Variants in SLC7A13 observed in about 807,000 individuals in gnomAD.
SLC7A13 encodes solute carrier family 7 member 13, also known as X-amino acid transporter 2.
Under a neutral mutation model 32.0 loss-of-function variants are expected in SLC7A13, and 31 were observed. The observed-to-expected ratio is 0.97, with a 90% CI of 0.73 to 1.31. The LOEUF (loss-of-function observed/expected upper bound fraction) is 1.31. Among genes scored for constraint, SLC7A13 ranks in the 50% most tolerant of loss-of-function variants. SLC7A13 has a pLI of 0.00. For synonymous variants in SLC7A13, 232 were observed against 206.9 expected (o/e 1.12, Z -1.04); for missense variants, 633 against 546.9 (o/e 1.16, Z -1.57).
Position 86,225,641 on chromosome 8 carries a change from GC to G in SLC7A13, c.686-2539del, listed in dbSNP as rs537624999. Reference sequence around the variant, plus strand: ...TTGAACTTAAAAGATGGGTATTCCGGCCGGGTGTGGTGATTCACGTCTGTAA... The same window carrying G: ...TTGAACTTAAAAGATGGGTATTCCGGCGGGTGTGGTGATTCACGTCTGTAA... On this transcript the variant is annotated intron_variant, in intron 1 of 3. Coordinates refer to ENST00000297524, the MANE Select transcript of SLC7A13 (RefSeq NM_138817.3). Among the ~76,000 whole-genome samples the G allele has an allele frequency of 1.8e-3, 270 of 152,016 alleles. 1 individual carries two copies. The highest frequency in any genetic ancestry group is 6.0e-3 in the African/African-American group (249 of 41,472).
At chr8:86,225,702 A>G (rs1011327852) in intron 1 of SLC7A13, among the ~76,000 whole-genome samples, 6 of 152,172 alleles carry the variant, frequency 3.9e-5, no homozygotes, top group Non-Finnish European at 7.4e-5. Context: ...CAGGTGGATC[A>G]CTGGAACCCA....
At chr8:86,218,230 T>C (rs1482544016) in intron 2 of SLC7A13, among the ~76,000 whole-genome samples, 1 of 152,176 alleles carries the variant, frequency 6.6e-6, no homozygotes, top group East Asian at 1.9e-4. Context: ...AAAACTAGTT[T>C]ATAGAGTCCT....
At chr8:86,214,897 A>G (rs1327647123) in intron 3 of SLC7A13, among the ~76,000 whole-genome samples, 1 of 152,174 alleles carries the variant, frequency 6.6e-6, no homozygotes, top group Non-Finnish European at 1.5e-5. Flanking sequence ...AAATAACTAG[A>G]ACCATTTGCT....
At chr8:86,219,906 TTGTGAG>T (rs1820264226) in intron 2 of SLC7A13, among the ~76,000 whole-genome samples, 1 of 152,176 alleles carries the variant, frequency 6.6e-6, no homozygotes, top group African/African-American at 2.4e-5. Context: ...GAAGTGGGCC[TTGTGAG>T]TCCAAAAGTA....
rs1820137859 is a variant in SLC7A13, at chr8:86,214,160, C to T, written c.*253G>A. On this transcript the variant is annotated 3_prime_UTR_variant, in exon 4 of 4. Coordinates refer to ENST00000297524, the MANE Select transcript of SLC7A13 (RefSeq NM_138817.3). ...AGTGAGAGAATGGAAGTTGTATAAT[C>T]ACTCTATCAAGCTACGCAAACCAGG... The T allele has an allele frequency of 3.6e-6, 1 of 278,834 alleles. No individual in the cohort carries two copies. The highest frequency in any genetic ancestry group is 1.2e-4 in the South Asian group (1 of 8,682). 17.3% of individuals were successfully genotyped at this position (278,834 alleles called of 1,614,324 possible). A position where few individuals can be genotyped will look rare whatever the true frequency, so the allele number is the denominator to read the frequency against.
chr8:86,219,107 C>T lies in SLC7A13; in HGVS notation c.818-1276G>A, dbSNP rs149608520. ...CCTTAGCCTTAGTGCTATTCTACAA[C>T]TTTGGATCTTTCTTAAAAATATCTT... On this transcript the variant is annotated intron_variant, in intron 2 of 3. Coordinates refer to ENST00000297524, the MANE Select transcript of SLC7A13 (RefSeq NM_138817.3). Among the ~76,000 whole-genome samples the T allele has an allele frequency of 1.1e-3, 162 of 152,256 alleles. 1 individual carries two copies. Among genetic ancestry groups the T allele is most frequent in the African/African-American group, 3.7e-3 (153 of 41,566 alleles).
chr8:86,226,731 T>C (rs1439774556), intron 1 of SLC7A13, among the ~76,000 whole-genome samples: 3 of 152,188 alleles, frequency 2.0e-5, no homozygotes, highest in African/African-American at 7.2e-5. Flanking sequence ...TCGTATCTAA[T>C]ACCAAGACTC....
chr8:86,225,316 C>T lies in SLC7A13; in HGVS notation c.686-2213G>A, dbSNP rs970276241. On this transcript the variant is annotated intron_variant, in intron 1 of 3. Transcript: ENST00000297524. ...TAGAAGGTTTTAATTTTAACCCTGC[C>T]CGCACCACTTTGGCTGTCAAGGTTT... 3.9e-5 allele frequency among the ~76,000 whole-genome samples: 6 copies of T among 152,182 alleles called. No homozygotes were observed. The East Asian group carries it at 5.8e-4, about 15-fold the overall frequency.
intron 1 of SLC7A13, among the ~76,000 whole-genome samples, chr8:86,223,465 A>T (rs1391171503): frequency 6.6e-6 from 1 of 152,148 alleles, no homozygotes; most frequent in Non-Finnish European, 1.5e-5. Flanking sequence ...GATGGTCTCC[A>T]GCTGCATTCA....
At position 86,214,529 on chromosome 8, in the gene SLC7A13, A is replaced by G. The variant is rs749352567; in HGVS notation, c.1297T>C (p.Leu433=). The G allele has an allele frequency of 2.2e-5, 35 of 1,613,214 alleles. No individual in the cohort carries two copies. Among genetic ancestry groups the G allele is most frequent in the Admixed American group, 3.3e-5 (2 of 59,962 alleles). ...TGTATTAAAGGTATGTAAAATAGTA[A>G]TCCGCTGAGAACTAACAGAAGCACG... The part of the protein sequence containing the change: ...VYVLLLVLSG[L]LFYIPLIHFK... The change falls in exon 4 of 4, where the codon TTA becomes CTA. Residue 433 remains leucine (L), a synonymous_variant. Coordinates refer to ENST00000297524, the MANE Select transcript of SLC7A13 (RefSeq NM_138817.3).
intron 1 of SLC7A13, among the ~76,000 whole-genome samples, chr8:86,223,793 G>GCACACA (rs59737111): frequency 0.037 from 5,458 of 147,074 alleles, 194 homozygotes; most frequent in Admixed American, 0.13. Flanking sequence ...ACACTAAAAT[G>GCACACA]CACACACACA....
intron 2 of SLC7A13, among the ~76,000 whole-genome samples, chr8:86,220,680 T>C (rs892139984): frequency 5.3e-5 from 8 of 152,084 alleles, no homozygotes; most frequent in African/African-American, 1.9e-4. Context: ...TTGAAAAAAA[T>C]GCATCCCTTA....
intron 1 of SLC7A13, among the ~76,000 whole-genome samples, chr8:86,225,923 A>T (rs910134581): frequency 2.6e-5 from 4 of 151,038 alleles, no homozygotes; most frequent in Admixed American, 6.6e-5. Flanking sequence ...AAAAAATAGA[A>T]TTTTTTTTTT....
intron 3 of SLC7A13, chr8:86,215,836 AT>A: frequency 4.2e-6 from 1 of 237,392 alleles, no homozygotes; most frequent in Non-Finnish European, 8.6e-6. Flanking sequence ...TACAAGACAA[AT>A]TTCAGCCACT....
Position 86,214,346 on chromosome 8 carries a change from C to T in SLC7A13, c.*67G>A. ...CATGAATGTTCTATCATATGTTTAA[C>T]CTTGATTTGGAATCTGATATATGTT... On this transcript the variant is annotated 3_prime_UTR_variant, in exon 4 of 4. Transcript: ENST00000297524. 1 of 881,002 alleles carries T rather than the reference C, an allele frequency of 1.1e-6. No individual in the cohort carries two copies. Among genetic ancestry groups the T allele is most frequent in the Non-Finnish European group, 1.7e-6 (1 of 574,366 alleles). 54.6% of individuals were successfully genotyped at this position (881,002 alleles called of 1,614,324 possible).
chr8:86,217,233 C>G (rs1433503764), intron 3 of SLC7A13, among the ~76,000 whole-genome samples: 1 of 152,092 alleles, frequency 6.6e-6, no homozygotes, highest in African/African-American at 2.4e-5. Flanking sequence ...TGTCCAACCA[C>G]CCAGAGAACT....
At chr8:86,225,582 T>C (rs1820376543) in intron 1 of SLC7A13, among the ~76,000 whole-genome samples, 1 of 152,154 alleles carries the variant, frequency 6.6e-6, no homozygotes, top group Non-Finnish European at 1.5e-5. Context: ...TAAAAAGTTA[T>C]AATAGCCAGA....
At chr8:86,227,021 G>T (rs770484824) in intron 1 of SLC7A13, among the ~76,000 whole-genome samples, 16 of 152,228 alleles carry the variant, frequency 1.1e-4, no homozygotes, top group Admixed American at 4.6e-4. Flanking sequence ...TGTACATTTT[G>T]CAGATAATAA....
At chr8:86,225,720 A>C (rs1363234406) in intron 1 of SLC7A13, among the ~76,000 whole-genome samples, 1 of 152,076 alleles carries the variant, frequency 6.6e-6, no homozygotes, top group Admixed American at 6.6e-5. Flanking sequence ...CCAGAAGTTC[A>C]AGGCCAGTCT....
Sources: gnomAD v4.1 joint callset for allele counts (sites outside exome capture counted in the v4.1 genomes callset) on GRCh38, gnomAD v4.1.1 for gene constraint, MANE v1.5 for transcripts, NCBI Gene and HGNC (gene_info 2026-07-23, HGNC 2026-07-21) for gene names.